Variants in KDM4C observed in about 807,000 individuals in gnomAD.
The protein encoded by KDM4C is lysine-specific demethylase 4C.
KDM4C carries 81 observed loss-of-function variants against 129.3 expected under a neutral mutation model. The observed-to-expected ratio is 0.63, with a 90% CI of 0.52 to 0.75. The LOEUF (loss-of-function observed/expected upper bound fraction) is 0.75. Ranked by LOEUF, KDM4C falls within the 30% of genes least tolerant of loss-of-function variation. The pLI is 0.00. For synonymous variants in KDM4C, 573 were observed against 456.1 expected (o/e 1.26, Z -3.26); for missense variants, 1,457 against 1,304.0 (o/e 1.12, Z -1.81).
intron 1 of KDM4C, among the ~76,000 whole-genome samples, chr9:6,740,140 T>C (rs1019151136): frequency 9.2e-5 from 14 of 152,152 alleles, no homozygotes; most frequent in Non-Finnish European, 2.9e-5. Context: ...TCTGCCTGCC[T>C]TGGCCTCCCA....
At chr9:7,063,551 A>G (rs2132714759) in intron 17 of KDM4C, among the ~76,000 whole-genome samples, 1 of 152,300 alleles carries the variant, frequency 6.6e-6, no homozygotes, top group African/African-American at 2.4e-5. Context: ...TGAGGACTTA[A>G]TATGTAGTTA....
At chr9:6,997,436 C>T (rs141282768) in intron 12 of KDM4C, among the ~76,000 whole-genome samples, 1 of 152,174 alleles carries the variant, frequency 6.6e-6, no homozygotes, top group African/African-American at 2.4e-5. Context: ...GAAACTTAGG[C>T]TTGGATGGTG....
intron 15 of KDM4C, among the ~76,000 whole-genome samples, chr9:7,039,896 T>C (rs73401836): frequency 0.056 from 8,455 of 152,106 alleles, 265 homozygotes; most frequent in South Asian, 0.096. Context: ...GTTCATGGGT[T>C]AGCTCTATGT....
At chr9:6,925,215 G>A (rs1428611117) in intron 8 of KDM4C, 11 of 985,236 alleles carry the variant, frequency 1.1e-5, no homozygotes, top group Non-Finnish European at 1.3e-5. Flanking sequence ...TACAGCTCAT[G>A]TGAGAGCTGT....
Position 7,103,684 on chromosome 9 carries a change from G to C in KDM4C, c.2425-1G>C, listed in dbSNP as rs950198945. 2.4e-5 allele frequency: 39 copies of C among 1,608,248 alleles called. No homozygotes were observed. The highest frequency in any genetic ancestry group is 3.1e-5 in the Non-Finnish European group (36 of 1,176,602). ...TGTTCTTCTCTGTTTTAACCTTCCA[G>C]AAATGCATCTTCTGCAGACACCGGG... On this transcript the variant is annotated splice_acceptor_variant, in intron 17 of 21. Coordinates refer to ENST00000381309, the MANE Select transcript of KDM4C (RefSeq NM_015061.6). LOFTEE classifies it high-confidence loss of function.
chr9:7,067,791 A>G (rs1204894123), intron 17 of KDM4C, among the ~76,000 whole-genome samples: 1 of 152,076 alleles, frequency 6.6e-6, no homozygotes, highest in Non-Finnish European at 1.5e-5. Flanking sequence ...ATATTGGAGT[A>G]ATGATTTTTG....
intron 1 of KDM4C, among the ~76,000 whole-genome samples, chr9:6,782,195 T>C (rs1299088219): frequency 6.6e-6 from 1 of 152,166 alleles, no homozygotes; most frequent in Non-Finnish European, 1.5e-5. Flanking sequence ...TGATGACGTG[T>C]GTGGAGTGCC....
intron 17 of KDM4C, among the ~76,000 whole-genome samples, chr9:7,090,070 C>A (rs1265016208): frequency 6.6e-6 from 1 of 152,228 alleles, no homozygotes; most frequent in Non-Finnish European, 1.5e-5. Context: ...CTTGAAACCC[C>A]CAGCCCTTCC....
chr9:6,962,101 T>C (rs935230679), intron 8 of KDM4C, among the ~76,000 whole-genome samples: 1 of 152,330 alleles, frequency 6.6e-6, no homozygotes, highest in Non-Finnish European at 1.5e-5. Flanking sequence ...CTCTATTGGC[T>C]GTGATTTTGA....
intron 19 of KDM4C, among the ~76,000 whole-genome samples, chr9:7,157,206 A>T (rs937556567): frequency 1.1e-4 from 16 of 152,196 alleles, no homozygotes; most frequent in South Asian, 8.3e-4. Flanking sequence ...TTGATTTTGT[A>T]TCCTGAGACT....
intron 17 of KDM4C, among the ~76,000 whole-genome samples, chr9:7,087,501 T>C (rs1351489629): frequency 6.6e-6 from 1 of 151,900 alleles, no homozygotes; most frequent in Non-Finnish European, 1.5e-5. Flanking sequence ...AAACTAGAGG[T>C]TTTTTAAAAC....
At chr9:7,039,401 T>C (rs1828184616) in intron 15 of KDM4C, among the ~76,000 whole-genome samples, 1 of 152,002 alleles carries the variant, frequency 6.6e-6, no homozygotes, top group Non-Finnish European at 1.5e-5. Flanking sequence ...GAATTCTGTA[T>C]GGTTGATTTC....
intron 15 of KDM4C, among the ~76,000 whole-genome samples, chr9:7,042,856 A>G (rs1422833502): frequency 6.6e-6 from 1 of 152,030 alleles, no homozygotes; most frequent in Non-Finnish European, 1.5e-5. Context: ...AGATTTTGGA[A>G]TGCTTTAACC....
intron 4 of KDM4C, among the ~76,000 whole-genome samples, chr9:6,844,734 C>G (rs888572315): frequency 7.2e-5 from 11 of 152,148 alleles, no homozygotes; most frequent in Non-Finnish European, 1.6e-4. Context: ...GTTGCCCAGG[C>G]TGAAGTGCAG....
chr9:7,052,444 CTG>C (rs752994037), intron 17 of KDM4C, among the ~76,000 whole-genome samples: 1 of 152,226 alleles, frequency 6.6e-6, no homozygotes, highest in African/African-American at 2.4e-5. Context: ...CTTATAATGA[CTG>C]TGGCTGGAGG....
At chr9:7,025,818 A>G (rs1825713561) in intron 15 of KDM4C, among the ~76,000 whole-genome samples, 1 of 152,222 alleles carries the variant, frequency 6.6e-6, no homozygotes, top group African/African-American at 2.4e-5. Context: ...GTGTTATAAT[A>G]TGCTGCATTT....
chr9:6,756,650 G>C (rs1281751967), upstream of KDM4C, among the ~76,000 whole-genome samples: 3 of 152,232 alleles, frequency 2.0e-5, no homozygotes, highest in Non-Finnish European at 4.4e-5. Flanking sequence ...CCGTGAGGCG[G>C]AGGTTGCAGT....
chr9:6,752,437 T>C (rs1198926635), intron 1 of KDM4C, among the ~76,000 whole-genome samples: 1 of 146,330 alleles, frequency 6.8e-6, no homozygotes, highest in African/African-American at 2.5e-5. Context: ...TCCGGTGGAG[T>C]TTCGCTCTTG....
intron 5 of KDM4C, among the ~76,000 whole-genome samples, chr9:6,862,920 A>T (rs1283734454): frequency 2.6e-5 from 4 of 152,212 alleles, no homozygotes; most frequent in African/African-American, 9.6e-5. Context: ...GTGGAACTTT[A>T]TAAGCCAATT....
Sources: allele counts gnomAD v4.1 joint callset (sites outside exome capture counted in the v4.1 genomes callset), GRCh38; gene constraint gnomAD v4.1.1; transcripts MANE v1.5; gene names NCBI Gene and HGNC (gene_info 2026-07-23, HGNC 2026-07-21).